The following OSBPL9 variants were observed in gnomAD, a reference collection of about 807,000 sequenced individuals.
OSBPL9 encodes the protein oxysterol binding protein like 9, also known as oxysterol-binding protein-related protein 9.
OSBPL9 carries 40 observed loss-of-function variants against 106.6 expected under a neutral mutation model. That is an observed-to-expected ratio of 0.38 (90% CI 0.29 to 0.49). The LOEUF (loss-of-function observed/expected upper bound fraction) is 0.49. Ranked by LOEUF, OSBPL9 falls within the 20% of genes least tolerant of loss-of-function variation. OSBPL9 has a pLI of 0.97. For missense variants in OSBPL9, 609 were observed against 887.2 expected, an observed-to-expected ratio of 0.69 and a Z score of 3.98; for synonymous variants, 269 against 295.4, an observed-to-expected ratio of 0.91 and a Z score of 0.92.
intron 2 of OSBPL9, among the ~76,000 whole-genome samples, chr1:51,602,600 ATT>A (rs200903727): frequency 6.7e-6 from 1 of 150,110 alleles, no homozygotes; most frequent in Non-Finnish European, 1.5e-5. Flanking sequence ...TTAAAAAAAA[ATT>A]TTTTTTTGTA....
At chr1:51,601,786 A>G (rs1485492522) in intron 2 of OSBPL9, among the ~76,000 whole-genome samples, 1 of 152,194 alleles carries the variant, frequency 6.6e-6, no homozygotes, top group African/African-American at 2.4e-5. Flanking sequence ...TTGGACACCA[A>G]TTAAGTACAA....
chr1:51,521,650 A>G, the OSBPL9 span, among the ~76,000 whole-genome samples: 1 of 152,246 alleles, frequency 6.6e-6, no homozygotes, highest in Non-Finnish European at 1.5e-5. Context: ...AGGCAGTTGC[A>G]CAGAGCACGA....
intron 4 of OSBPL9, among the ~76,000 whole-genome samples, chr1:51,720,424 C>G (rs1173317558): frequency 1.3e-5 from 2 of 151,572 alleles, no homozygotes; most frequent in African/African-American, 4.9e-5. Flanking sequence ...CTCCCAGGTT[C>G]AAGCAATTCT....
intron 2 of OSBPL9, among the ~76,000 whole-genome samples, chr1:51,601,769 A>G (rs535407425): frequency 6.6e-6 from 1 of 152,342 alleles, no homozygotes; most frequent in East Asian, 1.9e-4. Flanking sequence ...AAAGAAATGC[A>G]CCTGTATTGG....
At chr1:51,662,527 T>C (rs72898012) in intron 2 of OSBPL9, among the ~76,000 whole-genome samples, 1 of 152,084 alleles carries the variant, frequency 6.6e-6, no homozygotes, top group African/African-American at 2.4e-5. Flanking sequence ...TTCTACCCGA[T>C]GGCTGCTTTT....
chr1:51,647,910 T>C (rs544053658), intron 1 of OSBPL9, among the ~76,000 whole-genome samples: 1 of 152,004 alleles, frequency 6.6e-6, no homozygotes, highest in East Asian at 1.9e-4. Context: ...AGCTCAGGAG[T>C]AGCCCGAGAA....
chr1:51,766,102 AAGGGC>A (rs1036650047), intron 12 of OSBPL9, 121 bp downstream of exon 12: 73 of 1,005,122 alleles, frequency 7.3e-5, no homozygotes, highest in Non-Finnish European at 8.8e-5. Flanking sequence ...GGAAAATTAA[AAGGGC>A]AACCTTTTTA....
At chr1:51,559,735 G>A in the OSBPL9 span, among the ~76,000 whole-genome samples, 1 of 152,082 alleles carries the variant, frequency 6.6e-6, no homozygotes, top group African/African-American at 2.4e-5. Flanking sequence ...TTTAAAATGT[G>A]TACCTTAATG....
chr1:51,570,166 A>G, the OSBPL9 span, among the ~76,000 whole-genome samples: 2 of 152,242 alleles, frequency 1.3e-5, no homozygotes, highest in African/African-American at 4.8e-5. Flanking sequence ...ATGCTGTGGT[A>G]GAAAGAGCCC....
intron 3 of OSBPL9, 123 bp downstream of exon 3, chr1:51,669,635 G>C (rs1250349767): frequency 1.2e-6 from 1 of 815,420 alleles, no homozygotes; most frequent in Non-Finnish European, 2.0e-6. Context: ...GAGTGCATAG[G>C]AACATTCTGG....
At chr1:51,738,426 A>G (rs1237130436) in intron 4 of OSBPL9, among the ~76,000 whole-genome samples, 1 of 152,088 alleles carries the variant, frequency 6.6e-6, no homozygotes, top group African/African-American at 2.4e-5. Context: ...CTGGTTTTTC[A>G]AAGCACTAAC....
the OSBPL9 span, among the ~76,000 whole-genome samples, chr1:51,537,829 C>T: frequency 1.3e-5 from 2 of 152,146 alleles, no homozygotes; most frequent in Non-Finnish European, 2.9e-5. Context: ...GCATGAGCCA[C>T]TGCACCCAGC....
rs1444997869 is a variant in OSBPL9, at chr1:51,783,991, T to C, written c.1590T>C (p.Leu530=). 2 of 1,613,648 alleles carry C rather than the reference T, an allele frequency of 1.2e-6. No individual in the cohort carries two copies. Among genetic ancestry groups the C allele is most frequent in the South Asian group, 1.1e-5 (1 of 91,078 alleles). ...ATATCTGGACCAAATCAAAATTCCT[T>C]GGGATGTCAATTGGGGTGCACAACA... ...NAHIWTKSKF[L]GMSIGVHNIG... is the part of the protein sequence containing the mutation. Residue 530 remains leucine (L), a synonymous_variant, in exon 18 of 24, where the codon CTT becomes CTC. Coordinates refer to ENST00000428468, the MANE Select transcript of OSBPL9 (RefSeq NM_024586.6).
chr1:51,680,130 T>C (rs1652198306), intron 3 of OSBPL9, among the ~76,000 whole-genome samples: 1 of 151,998 alleles, frequency 6.6e-6, no homozygotes, highest in South Asian at 2.1e-4. Flanking sequence ...GGCTTGCGAC[T>C]GTAGTACCAC....
chr1:51,612,987 T>A (rs1643998794), upstream of OSBPL9, among the ~76,000 whole-genome samples: 1 of 152,220 alleles, frequency 6.6e-6, no homozygotes, highest in South Asian at 2.1e-4. Context: ...GGTGTGATAG[T>A]ACAAATCTTG....
At chr1:51,656,930 A>G (rs1646855909) in intron 2 of OSBPL9, among the ~76,000 whole-genome samples, 1 of 151,910 alleles carries the variant, frequency 6.6e-6, no homozygotes, top group Admixed American at 6.6e-5. Context: ...CTCCTAACCC[A>G]GTCTCCCAAA....
At chr1:51,717,577 G>A (rs1473585118) in intron 4 of OSBPL9, among the ~76,000 whole-genome samples, 1 of 152,030 alleles carries the variant, frequency 6.6e-6, no homozygotes, top group Non-Finnish European at 1.5e-5. Context: ...ACATACAAAT[G>A]GCAAGGAGGT....
At chr1:51,650,103 C>T (rs1646422936) in intron 1 of OSBPL9, among the ~76,000 whole-genome samples, 1 of 152,056 alleles carries the variant, frequency 6.6e-6, no homozygotes, top group Non-Finnish European at 1.5e-5. Context: ...CCTCAAACTC[C>T]TGGGCCCAAG....
intron 3 of OSBPL9, among the ~76,000 whole-genome samples, chr1:51,699,774 C>T (rs1170397327): frequency 1.3e-5 from 2 of 152,076 alleles, no homozygotes; most frequent in Non-Finnish European, 2.9e-5. Flanking sequence ...GGCTCCCAGG[C>T]CCTCTAGAGA....
Sources: gnomAD v4.1 joint callset for allele counts (sites outside exome capture counted in the v4.1 genomes callset) on GRCh38, gnomAD v4.1.1 for gene constraint, MANE v1.5 for transcripts, NCBI Gene and HGNC (gene_info 2026-07-23, HGNC 2026-07-21) for gene names.